Variants in ESYT3 observed in about 807,000 individuals in gnomAD.
The protein encoded by ESYT3 is extended synaptotagmin 3.
A neutral mutation model predicts 111.5 loss-of-function variants in ESYT3; 101 were observed. The observed-to-expected ratio is 0.91, with a 90% CI of 0.77 to 1.07. The LOEUF is 1.07. Ranked by LOEUF, ESYT3 falls within the 50% of genes least tolerant of loss-of-function variation. The pLI, the probability that ESYT3 is intolerant of heterozygous loss-of-function variation, is 0.00. For missense variants in ESYT3, 1,097 were observed against 1,109.4 expected, an observed-to-expected ratio of 0.99 and a Z score of 0.16; for synonymous variants, 416 against 446.8, an observed-to-expected ratio of 0.93 and a Z score of 0.87.
Position 138,477,515 on chromosome 3 carries a change from T to A in ESYT3, c.*661T>A, listed in dbSNP as rs2108634702. On this transcript the variant is annotated 3_prime_UTR_variant, in exon 23 of 23. Transcript: ENST00000389567. ...ATACCTTGAGTTAAATACTCTTGTGTAGTCTAAGGGCCAAACTCCAGCGTG... is the reference window on the plus strand; with the variant it reads ...ATACCTTGAGTTAAATACTCTTGTGAAGTCTAAGGGCCAAACTCCAGCGTG... The A allele has an allele frequency of 6.6e-6, 1 of 152,386 alleles. No individual in the cohort carries two copies. 9.4% of individuals were successfully genotyped at this position (152,386 alleles called of 1,614,324 possible). A position where few individuals can be genotyped will look rare whatever the true frequency, so the allele number is the denominator to read the frequency against.
At chr3:138,470,349 G>A in intron 16 of ESYT3, 1 of 1,276,450 alleles carries the variant, frequency 7.8e-7, no homozygotes, top group Non-Finnish European at 1.0e-6. Context: ...GGATGTGGGA[G>A]GATAAATCCT....
chr3:138,469,625 T>C, intron 15 of ESYT3, 121 bp downstream of exon 15: 2 of 730,956 alleles, frequency 2.7e-6, no homozygotes, highest in Non-Finnish European at 4.7e-6. Context: ...CTTGATGTTA[T>C]TTAGTCTTCA....
Position 138,470,896 on chromosome 3 carries a change from A to G in ESYT3, c.1610A>G (p.Glu537Gly). ...GCCCAGGTGCTTGATGATGACCAGG[A>G]GTGTGCTCTGGGAATGCTGGAGGTC... Reference protein sequence around the residue: ...LHLKVLDDDQECALGMLEVPL... With the variant: ...LHLKVLDDDQGCALGMLEVPL... Residue 537 changes from glutamate to glycine, a missense_variant, in exon 17 of 23, where the codon GAG becomes GGG. By Grantham distance (98) the Glu-to-Gly change is moderately conservative. Transcript: ENST00000389567. 6.2e-7 allele frequency: 1 copy of G among 1,614,130 alleles called. No individual in the cohort carries two copies. Among genetic ancestry groups the G allele is most frequent in the Non-Finnish European group, 8.5e-7 (1 of 1,180,018 alleles).
At chr3:138,471,047 G>C in intron 17 of ESYT3, 21 bp downstream of exon 17, 2 of 1,592,958 alleles carry the variant, frequency 1.3e-6, no homozygotes, top group Non-Finnish European at 1.7e-6. Context: ...CCGGTCCCCT[G>C]GGGGAGGGGA....
intron 16 of ESYT3, 108 bp downstream of exon 16, chr3:138,470,254 T>G (rs2033150835): frequency 7.0e-7 from 1 of 1,436,868 alleles, no homozygotes; most frequent in Non-Finnish European, 9.2e-7. Context: ...GCGTTTAAAG[T>G]CAGCCCCTTG....
rs747919238 is a variant in ESYT3, at chr3:138,459,961, G to C, written c.665G>C (p.Arg222Pro). The C allele has an allele frequency of 1.9e-6, 3 of 1,614,048 alleles. No individual in the cohort carries two copies. The highest frequency in any genetic ancestry group is 2.5e-6 in the Non-Finnish European group (3 of 1,179,950). Reference sequence around the variant, plus strand: ...CCTATCCAGTTGCAGGGCACCCTGCGGGTCATCCTGGAGCCCCTCCTAGTG... The same window carrying C: ...CCTATCCAGTTGCAGGGCACCCTGCCGGTCATCCTGGAGCCCCTCCTAGTG... ...VNGIQLQGTLRVILEPLLVDK... is the reference protein window; with the variant it reads ...VNGIQLQGTLPVILEPLLVDK... The change falls in exon 6 of 23, where the codon CGG becomes CCG. Residue 222 changes from arginine to proline, a missense_variant. By Grantham distance (103) the Arg-to-Pro change is moderately radical. Transcript: ENST00000389567.
rs757199501 is a variant in ESYT3 at position 138,472,389 on chromosome 3, G to A, written c.1767G>A (p.Leu589=). 6.8e-6 allele frequency: 11 copies of A among 1,613,956 alleles called. No individual in the cohort carries two copies. The highest frequency in any genetic ancestry group is 9.3e-6 in the Non-Finnish European group (11 of 1,179,966). The change falls in exon 18 of 23, where the codon CTG becomes CTA. Residue 589 remains leucine, a synonymous_variant. Coordinates refer to ENST00000389567, the MANE Select transcript of ESYT3 (RefSeq NM_031913.5). ...TCCTGCAAGTGGAGGAACGAGAGCT[G>A]GGGAGCCCATACACAGGACCTGAAG... ...LRFLQVEERE[L]GSPYTGPEAL...
chr3:138,450,810 CA>C (rs2031871747), intron 1 of ESYT3, among the ~76,000 whole-genome samples: 1 of 152,340 alleles, frequency 6.6e-6, no homozygotes, highest in South Asian at 2.1e-4. Flanking sequence ...GTGCGAACTG[CA>C]GGGACACATC....
At chr3:138,468,044 A>G in intron 11 of ESYT3, 61 bp from the exon 12 acceptor site, 1 of 1,505,140 alleles carries the variant, frequency 6.6e-7, no homozygotes, top group Non-Finnish European at 9.2e-7. Flanking sequence ...TGGGCTGCCC[A>G]GAGAGCATCA....
In ESYT3 at chr3:138,473,596, T is replaced by C; in HGVS notation, c.2298T>C (p.Cys766=). The C allele has an allele frequency of 1.2e-6, 2 of 1,613,894 alleles. No individual in the cohort carries two copies. Among genetic ancestry groups the C allele is most frequent in the Non-Finnish European group, 1.7e-6 (2 of 1,179,848 alleles). The change falls in exon 19 of 23, where the codon TGT becomes TGC. Residue 766 remains cysteine (C), a synonymous_variant. Coordinates refer to ENST00000389567, the MANE Select transcript of ESYT3 (RefSeq NM_031913.5). ...GEIQLTVRYV[C]LRRCLSVLIN... ...TTCAGCTCACAGTGCGCTATGTGTG[T>C]CTGCGGCGCTGCCTCAGCGTGCTAA...
At chr3:138,467,726 G>A in intron 11 of ESYT3, 117 bp downstream of exon 11, 1 of 950,028 alleles carries the variant, frequency 1.1e-6, no homozygotes, top group Non-Finnish European at 1.6e-6. Context: ...TCTGTGCTAG[G>A]CTCCATCCTC....
At chr3:138,453,354 G>A (rs2032065893) in intron 2 of ESYT3, among the ~76,000 whole-genome samples, 1 of 152,338 alleles carries the variant, frequency 6.6e-6, no homozygotes, top group Middle Eastern at 3.4e-3. Flanking sequence ...AGACAGTTGT[G>A]TAGGTAAACC....
At chr3:138,473,738 A>G in intron 19 of ESYT3, 104 bp downstream of exon 19, 1 of 972,696 alleles carries the variant, frequency 1.0e-6, no homozygotes, top group Non-Finnish European at 1.6e-6. Context: ...GTCCCAAGAT[A>G]AATAACACTT....
intron 1 of ESYT3, among the ~76,000 whole-genome samples, chr3:138,451,716 G>A (rs2031940428): frequency 6.6e-6 from 1 of 152,234 alleles, no homozygotes; most frequent in African/African-American, 2.4e-5. Context: ...ACCGCGTGGA[G>A]TCCTGTCCTG....
chr3:138,469,472 C>T lies in ESYT3; in HGVS notation c.1471C>T (p.Leu491=). 1 of 1,614,024 alleles carries T rather than the reference C, an allele frequency of 6.2e-7. No individual in the cohort carries two copies. Among genetic ancestry groups the T allele is most frequent in the Non-Finnish European group, 8.5e-7 (1 of 1,179,972 alleles). Residue 491 remains leucine (L), a synonymous_variant, in exon 15 of 23, where the codon CTA becomes TTA. Transcript: ENST00000389567. ...CAAAGACCCTTCTTCCTATGTCAAA[C>T]TATCTGTAGGCAAGAAGACACATAC... ...VSKDPSSYVK[L]SVGKKTHTSK...
intron 1 of ESYT3, among the ~76,000 whole-genome samples, chr3:138,436,162 T>C (rs2030668611): frequency 6.6e-6 from 1 of 152,196 alleles, no homozygotes. Flanking sequence ...TCTTACTGTA[T>C]CAGTCAGCCA....
At chr3:138,450,228 G>A (rs991266639) in intron 1 of ESYT3, among the ~76,000 whole-genome samples, 11 of 152,222 alleles carry the variant, frequency 7.2e-5, no homozygotes, top group African/African-American at 2.4e-4. Flanking sequence ...GACATGAGCT[G>A]GGTCTCCTCT....
rs760195196 is a variant in ESYT3 at position 138,470,069 on chromosome 3, CACA to C, written c.1518_1520del (p.Asn506del). ...CCTCTTCTGTTCCCAGACCTGTCCCCACAACAAGGACCCTGTGTGGAGCCAGGT... is the reference window on the plus strand; with the variant it reads ...CCTCTTCTGTTCCCAGACCTGTCCCCACAAGGACCCTGTGTGGAGCCAGGT... On this transcript the variant is annotated inframe_deletion, in exon 16 of 23. Coordinates refer to ENST00000389567, the MANE Select transcript of ESYT3 (RefSeq NM_031913.5). The C allele has an allele frequency of 2.5e-6, 4 of 1,612,598 alleles. No homozygotes were observed. The highest frequency in any genetic ancestry group is 3.4e-6 in the Non-Finnish European group (4 of 1,179,032).
rs150757746 is a variant in ESYT3, at chr3:138,453,790, C to G, written c.370-1404C>G. Among the ~76,000 whole-genome samples, 74 of 152,326 alleles carry G rather than the reference C, an allele frequency of 4.9e-4. 2 individuals carry two copies. The East Asian group carries it at 0.012, about 25-fold the overall frequency. ...AATCCCCAGAAACCCAGTCACTCCT[C>G]TTAAAGCAGCAACCTGCTTCTTCCA... On this transcript the variant is annotated intron_variant, in intron 2 of 22. Transcript: ENST00000389567.
Sources: allele counts gnomAD v4.1 joint callset (sites outside exome capture counted in the v4.1 genomes callset), GRCh38; gene constraint gnomAD v4.1.1; transcripts MANE v1.5; gene names NCBI Gene and HGNC (gene_info 2026-07-23, HGNC 2026-07-21).